The following DOCK7 variants were observed in gnomAD, a reference collection of about 807,000 sequenced individuals.
The protein encoded by DOCK7 is dedicator of cytokinesis protein 7.
A neutral mutation model predicts 271.0 loss-of-function variants in DOCK7; 138 were observed. The ratio of observed to expected loss-of-function variants is 0.51; its 90% CI spans 0.44 to 0.59. DOCK7 has a LOEUF of 0.59. Ranked by LOEUF, DOCK7 falls within the 20% of genes least tolerant of loss-of-function variation. The pLI is 0.00. For synonymous variants in DOCK7, 823 were observed against 876.1 expected (o/e 0.94, Z 1.07); for missense variants, 2,066 against 2,592.4 (o/e 0.80, Z 4.41).
At chr1:62,640,052 C>A (rs1475425051) in intron 7 of DOCK7, among the ~76,000 whole-genome samples, 1 of 151,992 alleles carries the variant, frequency 6.6e-6, no homozygotes, top group Non-Finnish European at 1.5e-5. Context: ...TATTATGCTG[C>A]AAAACAGGTA....
chr1:62,487,525 G>T (rs1646330295), intron 42 of DOCK7, 113 bp from the exon 43 acceptor site: 1 of 910,954 alleles, frequency 1.1e-6, no homozygotes, highest in Non-Finnish European at 1.7e-6. Context: ...AAGACAGCAG[G>T]ATATTTTAAA....
At chr1:62,602,242 C>A in intron 14 of DOCK7, 1 of 1,473,024 alleles carries the variant, frequency 6.8e-7, no homozygotes, top group Non-Finnish European at 9.5e-7. Context: ...CATCTGTCAA[C>A]ATAAATCTAC....
Position 62,496,461 on chromosome 1 carries a change from G to A in DOCK7, c.4801C>T (p.Leu1601=), listed in dbSNP as rs1379132589. ...TGAGATGTGCCCACCAAGGAGGATA[G>A]TGACATTGTTACCTGCATTTTAACC... ...ARVKMQVTMS[L]SSLVGTSQNF... is the part of the protein sequence containing the mutation. The change falls in exon 38 of 50, where the codon CTA becomes TTA. Residue 1601 remains leucine, a synonymous_variant. Transcript: ENST00000635253. 14 of 1,613,346 alleles carry A rather than the reference G, an allele frequency of 8.7e-6. No individual in the cohort carries two copies. The highest frequency in any genetic ancestry group is 1.1e-5 in the South Asian group (1 of 91,002).
At chr1:62,528,645 C>G (rs1366100761) in intron 30 of DOCK7, among the ~76,000 whole-genome samples, 1 of 152,118 alleles carries the variant, frequency 6.6e-6, no homozygotes, top group Non-Finnish European at 1.5e-5. Context: ...AACACCAGCA[C>G]CTGTCAAAGT....
intron 48 of DOCK7, among the ~76,000 whole-genome samples, chr1:62,470,129 A>G (rs116465389): frequency 0.014 from 2,114 of 152,334 alleles, 59 homozygotes; most frequent in African/African-American, 0.048. Context: ...ACATATTTAT[A>G]GCAGCACAAT....
In DOCK7 at chr1:62,552,808, A is replaced by G. The variant is rs1388597992; in HGVS notation, c.2690T>C (p.Leu897Pro). The G allele has an allele frequency of 6.2e-7, 1 of 1,613,990 alleles. No individual in the cohort carries two copies. The highest frequency in any genetic ancestry group is 1.1e-5 in the South Asian group (1 of 91,046). ...AGATATATCTGGATTGCTATTACTA[A>G]GGCTTCGAGAACGATTTAAATTAAG... The part of the protein sequence containing the change: ...ASLNLNRSRS[L>P]SNSNPDISGT... The change falls in exon 22 of 50, where the codon CTT becomes CCT. Residue 897 changes from leucine to proline, a missense_variant. Around this residue, in one of 2 missense-constraint regions of DOCK7, gnomAD observed 1,414 missense variants for 1,670.4 expected, o/e 0.85. Coordinates refer to ENST00000635253, the MANE Select transcript of DOCK7 (RefSeq NM_001367561.1).
chr1:62,538,507 C>T (rs1046251231), intron 27 of DOCK7, among the ~76,000 whole-genome samples: 2 of 152,106 alleles, frequency 1.3e-5, no homozygotes, highest in Non-Finnish European at 2.9e-5. Context: ...GCTTTAGTGT[C>T]CCTACAGCTT....
At chr1:62,513,676 C>T (rs1553160164) in intron 32 of DOCK7, 40 bp downstream of exon 32, 11 of 1,605,990 alleles carry the variant, frequency 6.8e-6, no homozygotes, top group African/African-American at 1.3e-5. Context: ...CATTATGTTT[C>T]TCCTTTCTTG....
At chr1:62,672,559 C>G (rs1660134076) in intron 1 of DOCK7, among the ~76,000 whole-genome samples, 1 of 152,080 alleles carries the variant, frequency 6.6e-6, no homozygotes, top group African/African-American at 2.4e-5. Flanking sequence ...ACATATTTAA[C>G]CAGTCTCCAC....
chr1:62,580,912 T>G (rs1413295469), intron 16 of DOCK7, among the ~76,000 whole-genome samples: 2 of 152,152 alleles, frequency 1.3e-5, no homozygotes, highest in Non-Finnish European at 2.9e-5. Context: ...AAATTCAAAT[T>G]TCAATGTCCA....
chr1:62,476,035 T>G, intron 45 of DOCK7, 32 bp downstream of exon 45: 1 of 1,599,590 alleles, frequency 6.3e-7, no homozygotes, highest in Non-Finnish European at 8.6e-7. Context: ...CAAAGAGATG[T>G]CTATATGTCA....
chr1:62,611,136 G>T (rs1257995002), intron 14 of DOCK7, among the ~76,000 whole-genome samples: 2 of 152,030 alleles, frequency 1.3e-5, no homozygotes, highest in African/African-American at 4.8e-5. Context: ...TTACTATTTA[G>T]AAAATACAAT....
At chr1:62,561,924 T>C (rs1416978433) in intron 18 of DOCK7, among the ~76,000 whole-genome samples, 1 of 151,454 alleles carries the variant, frequency 6.6e-6, no homozygotes. Context: ...CATAAAATAA[T>C]GCACACAAAA....
At chr1:62,477,649 A>G (rs1400068066) in intron 44 of DOCK7, 51 bp downstream of exon 44, 2 of 1,510,230 alleles carry the variant, frequency 1.3e-6, no homozygotes, top group African/African-American at 2.8e-5. Flanking sequence ...TCTAATCATC[A>G]GAGAGAATAC....
At chr1:62,631,166 T>C (rs2149622386) in intron 11 of DOCK7, 74 bp downstream of exon 11, 21 of 1,378,828 alleles carry the variant, frequency 1.5e-5, no homozygotes, top group Non-Finnish European at 1.9e-5. Context: ...GCCTAGGCCA[T>C]AGAGCGAAAC....
intron 14 of DOCK7, among the ~76,000 whole-genome samples, chr1:62,592,512 A>C (rs1648598458): frequency 6.6e-6 from 1 of 152,184 alleles, no homozygotes. Flanking sequence ...CGCAGGAGGA[A>C]GAAAATGACA....
chr1:62,462,551 T>C (rs1238000583), intron 48 of DOCK7, among the ~76,000 whole-genome samples: 5 of 152,176 alleles, frequency 3.3e-5, no homozygotes, highest in African/African-American at 1.2e-4. Flanking sequence ...AAATTTATAA[T>C]AGTGATGACA....
At chr1:62,575,430 T>C (rs1490805888) in intron 18 of DOCK7, among the ~76,000 whole-genome samples, 2 of 152,168 alleles carry the variant, frequency 1.3e-5, no homozygotes, top group African/African-American at 4.8e-5. Context: ...GTAAATATAT[T>C]TTCTGTGCCT....
intron 18 of DOCK7, among the ~76,000 whole-genome samples, chr1:62,565,269 A>AAAAG (rs1461738200): frequency 2.0e-5 from 3 of 151,792 alleles, no homozygotes; most frequent in Non-Finnish European, 4.4e-5. Flanking sequence ...TTTTCAAAAG[A>AAAAG]AAAGAAAATA....
Sources: allele counts gnomAD v4.1 joint callset (sites outside exome capture counted in the v4.1 genomes callset), GRCh38; gene constraint gnomAD v4.1.1; regional missense constraint gnomAD v4.1.1; transcripts MANE v1.5; gene names NCBI Gene and HGNC (gene_info 2026-07-23, HGNC 2026-07-21).